Variants in ENOX1 observed in about 807,000 individuals in gnomAD.
The protein encoded by ENOX1 is ecto-NOX disulfide-thiol exchanger 1.
In ENOX1, 42 loss-of-function variants were observed where a neutral mutation model predicts 82.5. The observed-to-expected ratio is 0.51, with a 90% confidence interval of 0.40 to 0.66. ENOX1 has a LOEUF of 0.66. Ranked by LOEUF, ENOX1 falls within the 30% of genes least tolerant of loss-of-function variation. ENOX1 has a pLI of 0.00. For synonymous variants in ENOX1, 271 were observed against 282.2 expected, an observed-to-expected ratio of 0.96 and a Z score of 0.40; for missense variants, 608 against 811.6, an observed-to-expected ratio of 0.75 and a Z score of 3.05.
At chr13:43,719,302 T>TACACACACACACACACACACACACACAC (rs3024232) in intron 1 of ENOX1, among the ~76,000 whole-genome samples, 8 of 126,786 alleles carry the variant, frequency 6.3e-5, no homozygotes, top group African/African-American at 8.7e-5. Context: ...TTCATTCAAA[T>TACACACACACACACACACACACACACAC]ACACACACAC....
intron 15 of ENOX1, among the ~76,000 whole-genome samples, chr13:43,227,482 T>C (rs2042078646): frequency 6.6e-6 from 1 of 152,200 alleles, no homozygotes; most frequent in Non-Finnish European, 1.5e-5. Flanking sequence ...AATAAGAACC[T>C]TAAACATTTC....
chr13:43,729,155 A>G (rs986670289), intron 1 of ENOX1, among the ~76,000 whole-genome samples: 1 of 152,186 alleles, frequency 6.6e-6, no homozygotes, highest in Non-Finnish European at 1.5e-5. Context: ...AGAAAATTCA[A>G]TGTTCCACAA....
chr13:43,772,749 TA>T (rs35359203), intron 1 of ENOX1, among the ~76,000 whole-genome samples: 44,055 of 111,962 alleles, frequency 0.39, 9,545 homozygotes, highest in Non-Finnish European at 0.52. Flanking sequence ...ACTCTGTCTT[TA>T]AAAAAAAAAA....
intron 9 of ENOX1, among the ~76,000 whole-genome samples, chr13:43,329,547 AT>A (rs1185528855): frequency 1.3e-5 from 2 of 152,168 alleles, no homozygotes; most frequent in Non-Finnish European, 2.9e-5. Context: ...GAGCTGAAAT[AT>A]GGATTAGGGG....
At chr13:43,607,276 A>G (rs2082017396) in intron 2 of ENOX1, among the ~76,000 whole-genome samples, 1 of 152,198 alleles carries the variant, frequency 6.6e-6, no homozygotes, top group Non-Finnish European at 1.5e-5. Context: ...ATCACAGAGT[A>G]TTGGATTAGG....
rs376558847 is a variant in ENOX1, at chr13:43,356,163, T to C, written c.590-11A>G. On this transcript the variant is annotated splice_polypyrimidine_tract_variant and intron_variant, in intron 7 of 16. Coordinates refer to ENST00000690772, the MANE Select transcript of ENOX1 (RefSeq NM_001347969.2). ...ATCGCATCCTATAACCTGAAACCAA[T>C]GGAAACTCTGGTCACACCATAATGT... The C allele has an allele frequency of 3.1e-6, 5 of 1,612,200 alleles. No homozygotes were observed. Among genetic ancestry groups the C allele is most frequent in the Non-Finnish European group, 4.2e-6 (5 of 1,179,084 alleles).
At position 43,516,962 on chromosome 13, in the gene ENOX1, T is replaced by C. The variant is rs143071405; in HGVS notation, c.-218-32810A>G. Among the ~76,000 whole-genome samples the C allele has an allele frequency of 5.5e-3, 840 of 152,296 alleles. 4 individuals are homozygous for C. Among genetic ancestry groups the C allele is most frequent in the South Asian group, 0.023 (113 of 4,824 alleles). On this transcript the variant is annotated intron_variant, in intron 2 of 16. Transcript: ENST00000690772. ...GTTTTCTGTCACATCAAAGAATGTA[T>C]ATCAAAGAAATACAAAATGGAATTT...
chr13:43,231,344 C>T (rs1405722003), intron 15 of ENOX1, among the ~76,000 whole-genome samples: 5 of 152,156 alleles, frequency 3.3e-5, no homozygotes, highest in Non-Finnish European at 7.3e-5. Flanking sequence ...AGTGATGAAG[C>T]GTATATGGGA....
At chr13:43,574,865 T>A (rs181445726) in intron 2 of ENOX1, among the ~76,000 whole-genome samples, 57 of 152,264 alleles carry the variant, frequency 3.7e-4, no homozygotes, top group African/African-American at 1.1e-3. Context: ...TGAGGTTATT[T>A]AAGATTTTCC....
chr13:43,229,760 A>G (rs1219317839), intron 15 of ENOX1, among the ~76,000 whole-genome samples: 6 of 152,188 alleles, frequency 3.9e-5, no homozygotes, highest in African/African-American at 1.4e-4. Flanking sequence ...AGGGAGAGCC[A>G]GGGGGCTGGT....
At chr13:43,712,180 T>C (rs1368252130) in intron 1 of ENOX1, among the ~76,000 whole-genome samples, 1 of 146,672 alleles carries the variant, frequency 6.8e-6, no homozygotes, top group Non-Finnish European at 1.5e-5. Flanking sequence ...AAATAGGGAA[T>C]CCTTTCCCCA....
At chr13:43,776,376 T>C (rs185081860) in intron 1 of ENOX1, among the ~76,000 whole-genome samples, 10 of 152,124 alleles carry the variant, frequency 6.6e-5, no homozygotes, top group Admixed American at 3.3e-4. Context: ...GGGACAGAGA[T>C]TCCTAGTGGC....
intron 1 of ENOX1, among the ~76,000 whole-genome samples, chr13:43,741,633 T>G (rs7326473): frequency 0.92 from 139,284 of 152,202 alleles, 64,040 homozygotes; most frequent in Non-Finnish European, 0.97. Context: ...ACATATCCAA[T>G]ATACAAGTCC....
chr13:43,416,895 C>T (rs555742119), intron 3 of ENOX1, among the ~76,000 whole-genome samples: 12 of 152,280 alleles, frequency 7.9e-5, no homozygotes, highest in Admixed American at 5.9e-4. Flanking sequence ...GCCGAGATCA[C>T]GCCACTGCAC....
rs570772708 is a variant in ENOX1, at chr13:43,466,249, A to C, written c.-75+17760T>G. Among the ~76,000 whole-genome samples, 4 of 152,296 alleles carry C rather than the reference A, an allele frequency of 2.6e-5. No homozygotes were observed. The East Asian group carries it at 7.7e-4, about 29-fold the overall frequency. ...TGACGATTCAATGGAAACAGAAAAA[A>C]ATCTTGAAAAAAGTAAAAATCCACT... On this transcript the variant is annotated intron_variant, in intron 3 of 16. Coordinates refer to ENST00000690772, the MANE Select transcript of ENOX1 (RefSeq NM_001347969.2).
At chr13:43,477,179 A>G (rs1029046841) in intron 3 of ENOX1, among the ~76,000 whole-genome samples, 20 of 151,130 alleles carry the variant, frequency 1.3e-4, no homozygotes, top group Non-Finnish European at 2.5e-4. Flanking sequence ...ATATATATAT[A>G]TAGTATACAC....
At chr13:43,721,962 C>T (rs919796775) in intron 1 of ENOX1, among the ~76,000 whole-genome samples, 17 of 152,148 alleles carry the variant, frequency 1.1e-4, no homozygotes, top group Admixed American at 2.0e-4. Flanking sequence ...ACCCTGCTCT[C>T]GACTCTGTTA....
rs893524043 is a variant in ENOX1, at chr13:43,357,798, G to A, written c.590-1646C>T. Among the ~76,000 whole-genome samples, 5 of 152,192 alleles carry A rather than the reference G, an allele frequency of 3.3e-5. No homozygotes were observed. In the East Asian group the frequency reaches 9.6e-4, roughly 29 times the overall value. On this transcript the variant is annotated intron_variant, in intron 7 of 16. Coordinates refer to ENST00000690772, the MANE Select transcript of ENOX1 (RefSeq NM_001347969.2). ...TCTAAAATTAGCTAGGCCTTCAAAC[G>A]TGAATGTGGTCCTAAAATTAGACAG... is the stretch of plus-strand genomic sequence containing the variant.
At chr13:43,530,807 A>C (rs1179466273) in intron 2 of ENOX1, among the ~76,000 whole-genome samples, 2 of 152,164 alleles carry the variant, frequency 1.3e-5, no homozygotes, top group Non-Finnish European at 2.9e-5. Flanking sequence ...AACCCAGTTA[A>C]TGAAAAATTA....
Sources: allele counts gnomAD v4.1 joint callset (sites outside exome capture counted in the v4.1 genomes callset), GRCh38; gene constraint gnomAD v4.1.1; transcripts MANE v1.5; gene names NCBI Gene and HGNC (gene_info 2026-07-23, HGNC 2026-07-21).